The following PLAGL1 variants were observed in gnomAD, a reference collection of about 807,000 sequenced individuals.
PLAGL1 encodes the protein PLAG1 like zinc finger 1, also known as zinc finger protein PLAGL1.
PLAGL1 carries 1 observed loss-of-function variant against 4.6 expected under a neutral mutation model. That is an observed-to-expected ratio of 0.22 (90% CI 0.08 to 1.03). The LOEUF is 1.03. Among genes scored for constraint, PLAGL1 ranks in the 50% least tolerant of loss-of-function variants. PLAGL1 has a pLI of 0.58. For missense variants in PLAGL1, 464 were observed against 570.4 expected (o/e 0.81, Z 1.90); for synonymous variants, 240 against 237.8 (o/e 1.01, Z -0.08).
intron 1 of PLAGL1, among the ~76,000 whole-genome samples, chr6:144,023,004 T>A (rs1796080412): frequency 6.6e-6 from 1 of 152,202 alleles, no homozygotes; most frequent in Admixed American, 6.5e-5. Context: ...CCTCAATAGA[T>A]GAATGGACAA....
chr6:144,044,214 T>G (rs917971531), intron 1 of PLAGL1, among the ~76,000 whole-genome samples: 2 of 152,246 alleles, frequency 1.3e-5, no homozygotes, highest in Non-Finnish European at 2.9e-5. Flanking sequence ...TCTTGCCTTC[T>G]GCTAGCTTTT....
rs1251881838 is a variant in PLAGL1, at chr6:144,061,656, A to G, written c.-151+2812T>C. 6.6e-6 allele frequency among the ~76,000 whole-genome samples: 1 copy of G among 152,144 alleles called. No individual in the cohort carries two copies. The highest frequency in any genetic ancestry group is 1.5e-5 in the Non-Finnish European group (1 of 68,022). On this transcript the variant is annotated intron_variant, in intron 1 of 3. Coordinates refer to the PLAGL1 transcript ENST00000437412. This position sits in a 1 kb window ranked among gnomAD's most constrained non-coding sequence, Gnocchi z 4.4. ...AATAACTTTAAAACTACAAATCTAT[A>G]CAGTTTTATTAAAATGTATATGAAA...
chr6:143,992,985 A>C (rs563913564), intron 1 of PLAGL1, among the ~76,000 whole-genome samples: 4 of 151,476 alleles, frequency 2.6e-5, no homozygotes, highest in Admixed American at 6.6e-5. Context: ...CCATCTCAAA[A>C]AAACAAACAA....
rs1458543171 is a variant in PLAGL1, at chr6:143,963,090, A to G, written c.-399+1697T>C. Among the ~76,000 whole-genome samples, 1 of 152,216 alleles carries G rather than the reference A, an allele frequency of 6.6e-6. No individual in the cohort carries two copies. The highest frequency in any genetic ancestry group is 1.5e-5 in the Non-Finnish European group (1 of 68,034). The stretch of plus-strand genomic sequence containing the variant: ...CACCTCCAGGCAATGATGTCATTTT[A>G]AAGGTGACACTGGGGGGCATGGTAT... On this transcript the variant is annotated intron_variant, in intron 5 of 7. Coordinates refer to ENST00000674357, the MANE Select transcript of PLAGL1 (RefSeq NM_001317162.2). This position sits in a 1 kb window ranked among gnomAD's most constrained non-coding sequence, Gnocchi z 6.1.
In PLAGL1 at chr6:143,945,612, A is replaced by C. The variant is rs1779589287; in HGVS notation, c.152+2373T>G. ...TACCTCAGCCTCCCGAGTAGCTGGG[A>C]TTACAGGCGTGTACCACCACGCCCA... On this transcript the variant is annotated intron_variant, in intron 7 of 7. Coordinates refer to ENST00000674357, the MANE Select transcript of PLAGL1 (RefSeq NM_001317162.2). This position sits in a 1 kb window ranked among gnomAD's most constrained non-coding sequence, Gnocchi z 4.2. 6.6e-6 allele frequency among the ~76,000 whole-genome samples: 1 copy of C among 152,128 alleles called. No individual in the cohort carries two copies. The highest frequency in any genetic ancestry group is 2.4e-5 in the African/African-American group (1 of 41,422).
Position 143,941,543 on chromosome 6 carries a change from G to T in PLAGL1, c.1273C>A (p.Pro425Thr), listed in dbSNP as rs1224684390. Residue 425 changes from proline to threonine, a missense_variant, in exon 8 of 8, where the codon CCC becomes ACC. Pro to Thr is a conservative substitution (Grantham distance 38). Around this residue, in one of 4 missense-constraint regions of PLAGL1, gnomAD observed 248 missense variants for 250.1 expected, o/e 0.99. Transcript: ENST00000674357. This position sits in a 1 kb window ranked among gnomAD's most constrained non-coding sequence, Gnocchi z 6.0. ...LSCLGQQQQE[P>T]PLAMGTVSLG... ...CTCACAGTGCCCATGGCAAGTGGGG[G>T]TTCTTGCTGCTGCTGCCCCAGACAG... 1.3e-5 allele frequency: 20 copies of T among 1,566,374 alleles called. No individual in the cohort carries two copies. The highest frequency in any genetic ancestry group is 1.7e-5 in the Non-Finnish European group (20 of 1,155,798).
Position 144,006,740 on chromosome 6 carries a change from T to C in PLAGL1, c.-584+1350A>G, listed in dbSNP as rs1298800038. ...CAGTTTTCTGCCATTACAGTCAACC[T>C]TCTTGTACACGTCTGCTTGTGGACA... On this transcript the variant is annotated intron_variant, in intron 1 of 7. Coordinates refer to ENST00000674357, the MANE Select transcript of PLAGL1 (RefSeq NM_001317162.2). This position sits in a 1 kb window ranked among gnomAD's most constrained non-coding sequence, Gnocchi z 4.3. 1 of 152,246 alleles carries C rather than the reference T, an allele frequency of 6.6e-6. No individual in the cohort carries two copies. Among genetic ancestry groups the C allele is most frequent in the Non-Finnish European group, 1.5e-5 (1 of 68,044 alleles). 9.4% of individuals were successfully genotyped at this position (152,246 alleles called of 1,614,324 possible).
In PLAGL1 at chr6:144,059,069, A is replaced by AC. The variant is rs1799199702; in HGVS notation, c.-151+5398dup. On this transcript the variant is annotated intron_variant, in intron 1 of 3. Coordinates refer to the PLAGL1 transcript ENST00000437412. The surrounding 1 kb of genome is among the most constrained non-coding windows in gnomAD (Gnocchi z 4.9). ...ACTAGAGTTTCTCTTCAGGGTCTCC[A>AC]CCCCTACAGCAGGCTTCTGCCTGTA... Among the ~76,000 whole-genome samples, 2 of 152,044 alleles carry AC rather than the reference A, an allele frequency of 1.3e-5. No individual in the cohort carries two copies. Among genetic ancestry groups the AC allele is most frequent in the Admixed American group, 1.3e-4 (2 of 15,278 alleles).
chr6:144,049,200 AT>A (rs1257293172), intron 1 of PLAGL1, among the ~76,000 whole-genome samples: 1 of 152,206 alleles, frequency 6.6e-6, no homozygotes, highest in African/African-American at 2.4e-5. Context: ...CATTGTCCAC[AT>A]CATTAACTGC....
upstream of PLAGL1, chr6:144,008,395 G>A (rs1431202831): frequency 6.6e-6 from 1 of 151,892 alleles, no homozygotes; most frequent in East Asian, 1.9e-4. The surrounding 1 kb of genome is among the most constrained non-coding windows in gnomAD (Gnocchi z 6.9). Flanking sequence ...GCCGCGCGCA[G>A]GCGGGGCTCG....
At chr6:143,998,287 AGT>A (rs1167636906) in intron 1 of PLAGL1, among the ~76,000 whole-genome samples, 5 of 152,322 alleles carry the variant, frequency 3.3e-5, no homozygotes, top group South Asian at 4.1e-4. Context: ...TGTCATTTTC[AGT>A]GTGTGTTTTA....
rs1782980352 is a variant in PLAGL1, at chr6:143,959,827, A to C, written c.-325+642T>G. The stretch of plus-strand genomic sequence containing the variant: ...GGCATTAGCTTCTATTAATATCATT[A>C]CTGGTGATGATGATAATGATGATGA... On this transcript the variant is annotated intron_variant, in intron 6 of 7. Coordinates refer to ENST00000674357, the MANE Select transcript of PLAGL1 (RefSeq NM_001317162.2). This position sits in a 1 kb window ranked among gnomAD's most constrained non-coding sequence, Gnocchi z 5.3. Among the ~76,000 whole-genome samples the C allele has an allele frequency of 6.6e-6, 1 of 152,216 alleles. No homozygotes were observed. The highest frequency in any genetic ancestry group is 1.5e-5 in the Non-Finnish European group (1 of 68,036).
rs1198442652 is a variant in PLAGL1, at chr6:143,959,765, CT to C, written c.-325+703del. ...GACATACTGCAAGTAATACACTGTC[CT>C]AAGCAAAACGCCTAGCACAGAGTGA... On this transcript the variant is annotated intron_variant, in intron 6 of 7. Transcript: ENST00000674357. The surrounding 1 kb of genome is among the most constrained non-coding windows in gnomAD (Gnocchi z 5.3). Among the ~76,000 whole-genome samples, 5 of 152,180 alleles carry C rather than the reference CT, an allele frequency of 3.3e-5. No individual in the cohort carries two copies. Among genetic ancestry groups the C allele is most frequent in the Non-Finnish European group, 7.3e-5 (5 of 68,038 alleles).
Position 143,989,725 on chromosome 6 carries a change from A to C in PLAGL1, c.-583-4551T>G, listed in dbSNP as rs1032175002. ...CTCTCCATATATGTATCCATGGGTAAACATACATACACTCTAACTCTGCCA... is the reference window on the plus strand; with the variant it reads ...CTCTCCATATATGTATCCATGGGTACACATACATACACTCTAACTCTGCCA... On this transcript the variant is annotated intron_variant, in intron 1 of 7. Transcript: ENST00000674357. This position sits in a 1 kb window ranked among gnomAD's most constrained non-coding sequence, Gnocchi z 4.8. 6.6e-6 allele frequency among the ~76,000 whole-genome samples: 1 copy of C among 152,164 alleles called. No homozygotes were observed. The highest frequency in any genetic ancestry group is 2.4e-5 in the African/African-American group (1 of 41,426).
At chr6:144,010,925 C>T (rs1053902417), upstream of PLAGL1, among the ~76,000 whole-genome samples, 6 of 152,102 alleles carry the variant, frequency 3.9e-5, no homozygotes, top group South Asian at 2.1e-4. This position sits in a 1 kb window ranked among gnomAD's most constrained non-coding sequence, Gnocchi z 4.1. Context: ...GAAACTGGAC[C>T]GCTTCGTTAC....
rs1367460937 is a variant in PLAGL1, at chr6:143,995,055, C to T, written c.-583-9881G>A. The stretch of plus-strand genomic sequence containing the variant: ...AATCCAAGTAATCAGAGGTCAAATG[C>T]TTGCTGTATTACTTATTAACTGTCT... On this transcript the variant is annotated intron_variant, in intron 1 of 7. Transcript: ENST00000674357. This position sits in a 1 kb window ranked among gnomAD's most constrained non-coding sequence, Gnocchi z 4.4. 6.6e-6 allele frequency among the ~76,000 whole-genome samples: 1 copy of T among 152,158 alleles called. No individual in the cohort carries two copies. The highest frequency in any genetic ancestry group is 1.5e-5 in the Non-Finnish European group (1 of 68,036).
rs1271358877 is a variant in PLAGL1 at position 143,949,345 on chromosome 6, C to T, written c.-324-885G>A. ...TCTTCTTTTTCTACCAATTGGCCAT[C>T]ATTGGAGGAACCTGAAGTGTCTGAG... On this transcript the variant is annotated intron_variant, in intron 6 of 7. Transcript: ENST00000674357. The surrounding 1 kb of genome is among the most constrained non-coding windows in gnomAD (Gnocchi z 5.3). 6.6e-6 allele frequency among the ~76,000 whole-genome samples: 1 copy of T among 152,190 alleles called. No homozygotes were observed. Among genetic ancestry groups the T allele is most frequent in the Admixed American group, 6.5e-5 (1 of 15,288 alleles).
At chr6:144,057,657 C>T (rs1379923254) in intron 1 of PLAGL1, among the ~76,000 whole-genome samples, 1 of 152,216 alleles carries the variant, frequency 6.6e-6, no homozygotes, top group East Asian at 1.9e-4. Flanking sequence ...GCTTCATCAG[C>T]TCATGTCTCT....
At chr6:144,020,311 A>C (rs1795878057) in intron 1 of PLAGL1, among the ~76,000 whole-genome samples, 1 of 150,988 alleles carries the variant, frequency 6.6e-6, no homozygotes, top group Admixed American at 6.6e-5. Flanking sequence ...GTTTAGACGG[A>C]GTCGCTCGCC....
Sources: gnomAD v4.1 joint callset for allele counts (sites outside exome capture counted in the v4.1 genomes callset) on GRCh38, gnomAD v4.1.1 for gene constraint, gnomAD v4.1.1 regional missense constraint, Gnocchi (gnomAD v3.1) non-coding constraint, MANE v1.5 for transcripts, NCBI Gene and HGNC (gene_info 2026-07-23, HGNC 2026-07-21) for gene names.